The following AFF2 variants were observed in gnomAD, a reference collection of about 807,000 sequenced individuals.
The protein encoded by AFF2 is AF4/FMR2 family member 2.
AFF2 carries 14 observed loss-of-function variants against 76.9 expected under a neutral mutation model. That is an observed-to-expected ratio of 0.18 (90% CI 0.12 to 0.28). The LOEUF (loss-of-function observed/expected upper bound fraction) is 0.28, where lower values mean the gene tolerates loss of function less well. Ranked by LOEUF, AFF2 falls within the 10% of genes least tolerant of loss-of-function variation. AFF2 has a pLI of 1.00. For missense variants in AFF2, 868 were observed against 1,001.1 expected (o/e 0.87, Z 1.79); for synonymous variants, 398 against 366.7 (o/e 1.09, Z -0.98).
rs1557288239 is a variant in AFF2 at position 148,962,829 on chromosome X, T to A, written c.2805T>A (p.Gly935=). 1 of 1,210,086 alleles carries A rather than the reference T, an allele frequency of 8.3e-7. No individual in the cohort carries two copies. Among genetic ancestry groups the A allele is most frequent in the Admixed American group, 2.2e-5 (1 of 46,010 alleles). ...GCAGAAATGTCAGTGGCAATAATGGTCCCTTTGGTCAAGACAAAAACATCG... is the reference window on the plus strand; with the variant it reads ...GCAGAAATGTCAGTGGCAATAATGGACCCTTTGGTCAAGACAAAAACATCG... ...PRRRNVSGNN[G]PFGQDKNIAM... The change falls in exon 13 of 21, where the codon GGT becomes GGA. Residue 935 remains glycine, a synonymous_variant. Coordinates refer to ENST00000370460, the MANE Select transcript of AFF2 (RefSeq NM_002025.4).
chrX:148,980,829 G>C, intron 19 of AFF2, 39 bp downstream of exon 19: 2 of 1,041,428 alleles, frequency 1.9e-6, no homozygotes, highest in Middle Eastern at 2.6e-4. Context: ...GTGAAGATGA[G>C]TGATTCAATA....
At position 148,994,523 on chromosome X, in the gene AFF2, T is replaced by G. The variant is rs2072571306; in HGVS notation, c.*3191T>G. The G allele has an allele frequency of 1.8e-5, 2 of 112,215 alleles. No homozygotes were observed. The highest frequency in any genetic ancestry group is 3.2e-5 in the African/African-American group (1 of 30,865). The allele number at this position is 112,215 out of a possible 1,213,427, so 9.2% of individuals were successfully genotyped here. On this transcript the variant is annotated 3_prime_UTR_variant, in exon 21 of 21. Transcript: ENST00000370460. ...AAAGCAGATTAGCTGCTACTACTTTTAAAAGACTTAAGGTCGGGATGCCTT... is the reference window on the plus strand; with the variant it reads ...AAAGCAGATTAGCTGCTACTACTTTGAAAAGACTTAAGGTCGGGATGCCTT...
At chrX:148,790,646 T>G (rs901808264) in intron 3 of AFF2, among the ~76,000 whole-genome samples, 16 of 106,888 alleles carry the variant, frequency 1.5e-4, no homozygotes, top group African/African-American at 5.5e-4. Context: ...AATGAGAACA[T>G]ATGGACACAG....
intron 18 of AFF2, among the ~76,000 whole-genome samples, chrX:148,980,181 T>A (rs1557290719): frequency 8.9e-6 from 1 of 112,353 alleles, no homozygotes; most frequent in Non-Finnish European, 1.9e-5. Context: ...AGTATTTGAT[T>A]GCAATGCAGC....
At chrX:148,942,672 C>T (rs927431326) in intron 9 of AFF2, among the ~76,000 whole-genome samples, 3 of 110,170 alleles carry the variant, frequency 2.7e-5, no homozygotes, top group Non-Finnish European at 3.8e-5. Flanking sequence ...AAAAATTAGC[C>T]GGGCATGGTG....
At chrX:148,843,053 C>T in intron 6 of AFF2, 51 bp downstream of exon 6, 1 of 1,039,701 alleles carries the variant, frequency 9.6e-7, no homozygotes, top group Non-Finnish European at 1.3e-6. Flanking sequence ...GTCCTCTGCT[C>T]CCTCATTTTT....
At chrX:148,812,614 C>T (rs1557271883) in intron 4 of AFF2, among the ~76,000 whole-genome samples, 1 of 111,220 alleles carries the variant, frequency 9.0e-6, no homozygotes, top group African/African-American at 3.3e-5. Context: ...AACTTTCCCA[C>T]CTCCCTGATC....
At chrX:148,532,173 C>T (rs2052737602) in intron 1 of AFF2, among the ~76,000 whole-genome samples, 1 of 111,773 alleles carries the variant, frequency 8.9e-6, no homozygotes, top group African/African-American at 3.2e-5. Context: ...GCTAACAGAC[C>T]GTACTGTTAT....
At chrX:148,651,326 A>G (rs1487938034) in intron 1 of AFF2, among the ~76,000 whole-genome samples, 1 of 111,917 alleles carries the variant, frequency 8.9e-6, no homozygotes, top group East Asian at 2.8e-4. Context: ...TTTCATCCAC[A>G]GTTAGTCATT....
intron 16 of AFF2, 33 bp downstream of exon 16, chrX:148,973,640 C>G (rs1557289832): frequency 8.7e-7 from 1 of 1,147,832 alleles, no homozygotes; most frequent in East Asian, 3.0e-5. Flanking sequence ...TCTTCCTACA[C>G]TCATTTCAGC....
At chrX:148,954,011 C>T (rs1557286934) in intron 10 of AFF2, among the ~76,000 whole-genome samples, 1 of 112,089 alleles carries the variant, frequency 8.9e-6, no homozygotes, top group African/African-American at 3.2e-5. Context: ...CATAGTAAAA[C>T]TAGCATAGTA....
intron 9 of AFF2, among the ~76,000 whole-genome samples, chrX:148,911,468 G>A (rs2071468144): frequency 2.7e-5 from 3 of 111,505 alleles, no homozygotes; most frequent in Admixed American, 1.9e-4. Flanking sequence ...CAAGTTTTGT[G>A]GGATTTTCTC....
intron 3 of AFF2, among the ~76,000 whole-genome samples, chrX:148,675,909 A>C (rs2054477393): frequency 9.0e-6 from 1 of 110,825 alleles, no homozygotes; most frequent in Non-Finnish European, 1.9e-5. Flanking sequence ...GCCTGAACCC[A>C]CAATCCACAT....
intron 3 of AFF2, among the ~76,000 whole-genome samples, chrX:148,663,025 T>C (rs994001802): frequency 4.5e-5 from 5 of 111,847 alleles, no homozygotes; most frequent in Non-Finnish European, 7.5e-5. Flanking sequence ...CAAGTTGGAG[T>C]TATAAAATAG....
chrX:148,921,303 A>G (rs1437752366), intron 9 of AFF2, among the ~76,000 whole-genome samples: 1 of 112,044 alleles, frequency 8.9e-6, no homozygotes, highest in East Asian at 2.8e-4. Flanking sequence ...GATTTATACA[A>G]TTCATTGGCT....
chrX:148,939,940 C>G (rs782764784), intron 9 of AFF2, among the ~76,000 whole-genome samples: 1 of 112,037 alleles, frequency 8.9e-6, no homozygotes, highest in African/African-American at 3.2e-5. Context: ...GGCACAGTTA[C>G]CTGAAATGAG....
chrX:148,581,785 A>C (rs1336021386), intron 1 of AFF2, among the ~76,000 whole-genome samples: 3 of 112,651 alleles, frequency 2.7e-5, no homozygotes, highest in Non-Finnish European at 3.8e-5. Context: ...CTAAAAATAA[A>C]GATTCTTTTA....
intron 1 of AFF2, among the ~76,000 whole-genome samples, chrX:148,582,454 A>G (rs1235777977): frequency 4.5e-5 from 5 of 111,969 alleles, no homozygotes; most frequent in Non-Finnish European, 9.4e-5. Flanking sequence ...AGCATATACA[A>G]ATGTCCAATA....
intron 3 of AFF2, among the ~76,000 whole-genome samples, chrX:148,733,829 C>T (rs782452554): frequency 8.9e-6 from 1 of 112,057 alleles, no homozygotes; most frequent in Admixed American, 9.4e-5. Flanking sequence ...TGACCAAATG[C>T]TAGTTTGTTT....
Sources: gnomAD v4.1 joint callset for allele counts (sites outside exome capture counted in the v4.1 genomes callset) on GRCh38, gnomAD v4.1.1 for gene constraint, MANE v1.5 for transcripts, NCBI Gene and HGNC (gene_info 2026-07-23, HGNC 2026-07-21) for gene names.